Variants in TMEM177 observed in about 807,000 individuals in gnomAD.
TMEM177 encodes the protein transmembrane protein 177.
TMEM177 carries 4 observed loss-of-function variants against 14.2 expected under a neutral mutation model. The ratio of observed to expected loss-of-function variants is 0.28; its 90% CI spans 0.14 to 0.64. The LOEUF (loss-of-function observed/expected upper bound fraction) is 0.64. Ranked by LOEUF, TMEM177 falls within the 30% of genes least tolerant of loss-of-function variation. The pLI, the probability that TMEM177 is intolerant of heterozygous loss-of-function variation, is 0.82. For synonymous variants in TMEM177, 179 were observed against 174.5 expected, an observed-to-expected ratio of 1.03 and a Z score of -0.20; for missense variants, 344 against 405.2, an observed-to-expected ratio of 0.85 and a Z score of 1.30.
intron 1 of TMEM177, 163 bp downstream of exon 1, chr2:119,679,439 A>G (rs575076404): frequency 1.3e-5 from 2 of 152,038 alleles, no homozygotes; most frequent in South Asian, 4.2e-4. Context: ...GGGACGTTGG[A>G]CTTTGGTCCA....
At chr2:119,701,241 C>G in the TMEM177 span, among the ~76,000 whole-genome samples, 3 of 152,180 alleles carry the variant, frequency 2.0e-5, no homozygotes, top group African/African-American at 7.2e-5. Flanking sequence ...GTTTTCCAAG[C>G]CTTCCTAGAG....
chr2:119,720,601 A>G, the TMEM177 span, among the ~76,000 whole-genome samples: 3 of 152,098 alleles, frequency 2.0e-5, no homozygotes, highest in Non-Finnish European at 2.9e-5. Flanking sequence ...ATTAATTTTC[A>G]TTTTTAAAAT....
At chr2:119,695,123 T>G in the TMEM177 span, among the ~76,000 whole-genome samples, 1 of 152,172 alleles carries the variant, frequency 6.6e-6, no homozygotes, top group African/African-American at 2.4e-5. Context: ...CTGCTAAAAA[T>G]CCTTCATTTC....
At chr2:119,682,521 G>T (rs75246916), downstream of TMEM177, among the ~76,000 whole-genome samples, 1 of 152,082 alleles carries the variant, frequency 6.6e-6, no homozygotes, top group African/African-American at 2.4e-5. Context: ...TAAGAGTGTT[G>T]TGTCAGTCAA....
downstream of TMEM177, chr2:119,686,089 T>C (rs7571822): frequency 0.77 from 139,380 of 180,592 alleles, 55,315 homozygotes; most frequent in South Asian, 0.87. Context: ...GGCAGCCAGC[T>C]GTGGGTTCAA....
rs767683363 is a variant in TMEM177 at position 119,681,265 on chromosome 2, C to T, written c.412C>T (p.Arg138Trp). 13 of 1,614,130 alleles carry T rather than the reference C, an allele frequency of 8.1e-6. No homozygotes were observed. Among genetic ancestry groups the T allele is most frequent in the South Asian group, 1.1e-5 (1 of 91,094 alleles). Residue 138 changes from arginine to tryptophan, a missense_variant, in exon 2 of 2, where the codon CGG becomes TGG. Transcript: ENST00000272521. ...TVDWRSPAGA[R>W]LRASLTLSRE... ...GGACTGGCGGAGCCCAGCAGGCGCC[C>T]GGCTGAGAGCTTCCCTGACCTTGTC...
chr2:119,680,728 A>T, intron 1 of TMEM177, 104 bp from the exon 2 acceptor site: 1 of 833,370 alleles, frequency 1.2e-6, no homozygotes, highest in East Asian at 2.7e-5. Flanking sequence ...CTTCACCACT[A>T]TGCTGTGTTA....
the TMEM177 span, among the ~76,000 whole-genome samples, chr2:119,723,218 A>G: frequency 1.3e-5 from 2 of 152,206 alleles, no homozygotes; most frequent in Non-Finnish European, 2.9e-5. Context: ...ACTTTCCACC[A>G]TTTATTAAAT....
At chr2:119,697,636 C>T in the TMEM177 span, among the ~76,000 whole-genome samples, 1 of 152,146 alleles carries the variant, frequency 6.6e-6, no homozygotes, top group Admixed American at 6.5e-5. Context: ...CTGCAGGCCC[C>T]CCTTCCCAGA....
downstream of TMEM177, among the ~76,000 whole-genome samples, chr2:119,687,881 G>A (rs1689040638): frequency 6.6e-6 from 1 of 152,122 alleles, no homozygotes; most frequent in African/African-American, 2.4e-5. Context: ...TTATTAACTG[G>A]CATAATGTTT....
chr2:119,685,496 C>T (rs1041536729), downstream of TMEM177, among the ~76,000 whole-genome samples: 4 of 152,076 alleles, frequency 2.6e-5, no homozygotes, highest in Admixed American at 2.6e-4. Flanking sequence ...TGGGTCCTCA[C>T]CCGGCGAGGC....
At position 119,679,507 on chromosome 2, in the gene TMEM177, T is replaced by A. The variant is rs535304172; in HGVS notation, c.-23+231T>A. 7 of 152,046 alleles carry A rather than the reference T, an allele frequency of 4.6e-5. No homozygotes were observed. The East Asian group carries it at 1.2e-3, about 25-fold the overall frequency. The allele number at this position is 152,046 out of a possible 1,614,324, so 9.4% of individuals were successfully genotyped here. On this transcript the variant is annotated intron_variant, in intron 1 of 1. Coordinates refer to ENST00000272521, the MANE Select transcript of TMEM177 (RefSeq NM_030577.3). ...TGGGAAAAAAAAAAAGCCCGAATGA[T>A]AATGATTCTTATAGGAGTTCTTGAT... is the stretch of plus-strand genomic sequence containing the variant.
At chr2:119,698,608 A>AT in the TMEM177 span, 1 of 177,786 alleles carries the variant, frequency 5.6e-6, no homozygotes, top group Non-Finnish European at 1.2e-5. Context: ...AAGTGGCTTG[A>AT]GATGATCTGT....
At chr2:119,706,651 C>T in the TMEM177 span, among the ~76,000 whole-genome samples, 1 of 152,050 alleles carries the variant, frequency 6.6e-6, no homozygotes, top group Non-Finnish European at 1.5e-5. Context: ...GCAAATAACA[C>T]AAAACCCAAG....
chr2:119,680,860 G>A lies in TMEM177; in HGVS notation c.7G>A (p.Gly3Ser). The stretch of plus-strand genomic sequence containing the variant: ...GTCCGCAGTGACTACACTCATGGCA[G>A]GTCCCCTGTGGCGGACCGCAGCATT... The part of the protein sequence containing the change: MA[G>S]PLWRTAAFVQ... The change falls in exon 2 of 2, where the codon GGT becomes AGT. Residue 3 changes from glycine (G) to serine (S), a missense_variant. Gly to Ser is a moderately conservative substitution (Grantham distance 56, BLOSUM62 0). Transcript: ENST00000272521. The A allele has an allele frequency of 6.2e-7, 1 of 1,612,618 alleles. No individual in the cohort carries two copies. Among genetic ancestry groups the A allele is most frequent in the Non-Finnish European group, 8.5e-7 (1 of 1,178,954 alleles).
chr2:119,715,831 TC>T, the TMEM177 span, among the ~76,000 whole-genome samples: 1 of 152,200 alleles, frequency 6.6e-6, no homozygotes, highest in African/African-American at 2.4e-5. Flanking sequence ...GCAAAGCCTG[TC>T]CCTGTGTTGT....
chr2:119,689,902 T>C (rs1372470653), downstream of TMEM177, among the ~76,000 whole-genome samples: 1 of 152,252 alleles, frequency 6.6e-6, no homozygotes, highest in Admixed American at 6.5e-5. Flanking sequence ...GAGGACTGGC[T>C]TGTAAGAAGT....
chr2:119,721,444 T>C, the TMEM177 span, among the ~76,000 whole-genome samples: 4 of 152,236 alleles, frequency 2.6e-5, no homozygotes, highest in Non-Finnish European at 5.9e-5. Context: ...TGATATTCTT[T>C]ATTATAAAAC....
At chr2:119,692,618 C>T in the TMEM177 span, among the ~76,000 whole-genome samples, 18 of 152,258 alleles carry the variant, frequency 1.2e-4, no homozygotes, top group African/African-American at 4.3e-4. Flanking sequence ...CATCCCAGCT[C>T]CCACACAGTG....
Sources: gnomAD v4.1 joint callset for allele counts (sites outside exome capture counted in the v4.1 genomes callset) on GRCh38, gnomAD v4.1.1 for gene constraint, MANE v1.5 for transcripts, NCBI Gene and HGNC (gene_info 2026-07-23, HGNC 2026-07-21) for gene names.